The following UBA2 variants were observed in gnomAD, a reference collection of about 807,000 sequenced individuals.
The protein encoded by UBA2 is ubiquitin like modifier activating enzyme 2, also known as SUMO-activating enzyme subunit 2.
A neutral mutation model predicts 77.2 loss-of-function variants in UBA2; 11 were observed. The observed-to-expected ratio is 0.14, with a 90% confidence interval of 0.09 to 0.24. The LOEUF (loss-of-function observed/expected upper bound fraction) is 0.24, where lower values mean the gene tolerates loss of function less well. Ranked by LOEUF, UBA2 falls within the 10% of genes least tolerant of loss-of-function variation. The pLI is 1.00. For synonymous variants in UBA2, 278 were observed against 276.7 expected, an observed-to-expected ratio of 1.00 and a Z score of -0.05; for missense variants, 487 against 781.7, an observed-to-expected ratio of 0.62 and a Z score of 4.50.
At position 34,444,968 on chromosome 19, in the gene UBA2, C is replaced by A; in HGVS notation, c.650-32C>A. ...AAAGAGTTCAGTTCTACATTTATTA[C>A]GGTTGAAAATAAAATAATGATCGTT... On this transcript the variant is annotated intron_variant, in intron 7 of 16. Transcript: ENST00000246548. The A allele has an allele frequency of 1.9e-6, 3 of 1,596,594 alleles. No homozygotes were observed. In the South Asian group the frequency reaches 3.4e-5, roughly 18 times the overall value.
At chr19:34,467,727 A>C (rs1463655256) in intron 16 of UBA2, among the ~76,000 whole-genome samples, 2 of 152,206 alleles carry the variant, frequency 1.3e-5, no homozygotes, top group Non-Finnish European at 2.9e-5. Flanking sequence ...ACTGCACTCC[A>C]TCCAGCCTGG....
chr19:34,444,044 G>GTTTTTTTT lies in UBA2; in HGVS notation c.649+150_649+157dup, dbSNP rs35028159. 1,183 of 175,370 alleles carry GTTTTTTTT rather than the reference G, an allele frequency of 6.7e-3. 3 individuals are homozygous for GTTTTTTTT. The highest frequency in any genetic ancestry group is 8.6e-3 in the Non-Finnish European group (880 of 101,904). 10.9% of individuals were successfully genotyped at this position (175,370 alleles called of 1,614,324 possible). A position where few individuals can be genotyped will look rare whatever the true frequency, so the allele number is the denominator to read the frequency against. On this transcript the variant is annotated intron_variant, in intron 7 of 16. Transcript: ENST00000246548. Reference sequence around the variant, plus strand: ...TGTGTTTAACATGTGTTTTTTTTTTGTTTTTTTTTTTTTTTTTTTTTTTTG... The same window carrying GTTTTTTTT: ...TGTGTTTAACATGTGTTTTTTTTTTGTTTTTTTTTTTTTTTTTTTTTTTTTTTTTTTTG...
At position 34,450,285 on chromosome 19, in the gene UBA2, G is replaced by A. The variant is rs142134488; in HGVS notation, c.792G>A (p.Arg264=). Residue 264 remains arginine, a synonymous_variant, in exon 9 of 17, where the codon AGG becomes AGA. Transcript: ENST00000246548. ...GTAAGCTTTTTAAAGATGACATCAG[G>A]TATCTGTTGACAATGGACAAACTAT... is the stretch of plus-strand genomic sequence containing the variant. ...LFTKLFKDDI[R]YLLTMDKLWR... 7.8e-4 allele frequency: 1,249 copies of A among 1,610,780 alleles called. 13 individuals carry two copies. The highest frequency in any genetic ancestry group is 1.6e-4 in the Middle Eastern group (1 of 6,072).
At chr19:34,445,825 C>CTTT (rs1491316449) in intron 8 of UBA2, among the ~76,000 whole-genome samples, 2 of 152,116 alleles carry the variant, frequency 1.3e-5, no homozygotes, top group Non-Finnish European at 2.9e-5. Flanking sequence ...CCATAAGCCC[C>CTTT]TTTTTCTTGG....
chr19:34,429,037 G>A (rs2075220836), intron 1 of UBA2: 2 of 985,322 alleles, frequency 2.0e-6, no homozygotes, highest in African/African-American at 3.5e-5. Flanking sequence ...GTCACGAGCG[G>A]GTTTACACAC....
Position 34,469,284 on chromosome 19 carries a change from T to TA in UBA2, c.*64dup. ...GTTTATCTGGGCAGAACCAGATTGTTATGTCCTTTGTTCCAAAGGGAAAAA... is the reference window on the plus strand; with the variant it reads ...GTTTATCTGGGCAGAACCAGATTGTTAATGTCCTTTGTTCCAAAGGGAAAAA... On this transcript the variant is annotated 3_prime_UTR_variant, in exon 17 of 17. Coordinates refer to ENST00000246548, the MANE Select transcript of UBA2 (RefSeq NM_005499.3). 1 of 1,411,538 alleles carries TA rather than the reference T, an allele frequency of 7.1e-7. No homozygotes were observed. Among genetic ancestry groups the TA allele is most frequent in the South Asian group, 1.7e-5 (1 of 58,386 alleles). 87.4% of individuals were successfully genotyped at this position (1,411,538 alleles called of 1,614,324 possible).
intron 5 of UBA2, among the ~76,000 whole-genome samples, chr19:34,438,364 A>G (rs1599895732): frequency 6.6e-6 from 1 of 152,262 alleles, no homozygotes; most frequent in South Asian, 2.1e-4. Flanking sequence ...GTAAACTCAT[A>G]TTTGACACTC....
At chr19:34,462,319 A>G (rs2075640286) in intron 14 of UBA2, among the ~76,000 whole-genome samples, 1 of 152,232 alleles carries the variant, frequency 6.6e-6, no homozygotes, top group Non-Finnish European at 1.5e-5. Flanking sequence ...TAGCATTACA[A>G]TGTTAGCAGC....
intron 6 of UBA2, 115 bp downstream of exon 6, chr19:34,438,881 A>T: frequency 7.4e-7 from 1 of 1,351,582 alleles, no homozygotes; most frequent in Non-Finnish European, 1.0e-6. Flanking sequence ...TGGTGAAGGG[A>T]TGCTTTAGTA....
At chr19:34,444,843 A>T (rs2075411223) in intron 7 of UBA2, among the ~76,000 whole-genome samples, 157 bp from the exon 8 acceptor site, 1 of 152,194 alleles carries the variant, frequency 6.6e-6, no homozygotes, top group Admixed American at 6.5e-5. Context: ...ATACAAAAAG[A>T]TGCTGATGAA....
chr19:34,463,937 C>A (rs2075659937), intron 14 of UBA2, 89 bp from the exon 15 acceptor site: 1 of 866,924 alleles, frequency 1.2e-6, no homozygotes, highest in Non-Finnish European at 1.9e-6. Flanking sequence ...CACAAATCAG[C>A]CCATAACAGA....
At chr19:34,466,743 T>G (rs1003456452) in intron 15 of UBA2, 135 bp from the exon 16 acceptor site, 25 of 663,592 alleles carry the variant, frequency 3.8e-5, no homozygotes, top group Non-Finnish European at 5.3e-5. Flanking sequence ...TTTTTTTAAA[T>G]AAAAATTAAA....
chr19:34,439,919 C>T (rs1024546146), intron 6 of UBA2, among the ~76,000 whole-genome samples: 4 of 151,428 alleles, frequency 2.6e-5, no homozygotes, highest in African/African-American at 4.9e-5. Flanking sequence ...GAGAACTAAA[C>T]GGGGAATACA....
chr19:34,454,370 A>C lies in UBA2; in HGVS notation c.1132+17A>C, dbSNP rs375155901. ...ATATCAAATGTAAGTTATTTGTACT[A>C]AAGTTGTATCACTAAAACCTTGAAG... On this transcript the variant is annotated intron_variant, in intron 11 of 16. Coordinates refer to ENST00000246548, the MANE Select transcript of UBA2 (RefSeq NM_005499.3). 5.0e-6 allele frequency: 8 copies of C among 1,600,790 alleles called. No individual in the cohort carries two copies. In the Middle Eastern group the frequency reaches 6.6e-4, roughly 133 times the overall value.
chr19:34,465,076 A>G (rs576638253), intron 15 of UBA2, among the ~76,000 whole-genome samples: 2 of 152,276 alleles, frequency 1.3e-5, no homozygotes, highest in East Asian at 1.9e-4. Flanking sequence ...TCCTGAGTCT[A>G]TAGCACAGTT....
intron 15 of UBA2, among the ~76,000 whole-genome samples, 176 bp from the exon 16 acceptor site, chr19:34,466,702 T>C (rs912861627): frequency 6.6e-6 from 1 of 152,080 alleles, no homozygotes; most frequent in Admixed American, 6.6e-5. Flanking sequence ...AAGACCAGCC[T>C]GGGCAACATT....
rs199949891 is a variant in UBA2, at chr19:34,450,253, T to G, written c.772-12T>G. The G allele has an allele frequency of 2.6e-5, 41 of 1,597,450 alleles. No homozygotes were observed. The highest frequency in any genetic ancestry group is 2.2e-4 in the East Asian group (10 of 44,704). ...ATTATGGGGTTCATGGGATCTGTCT[T>G]TCTTTTGTAAGCTTTTTAAAGATGA... On this transcript the variant is annotated splice_polypyrimidine_tract_variant and intron_variant, in intron 8 of 16. Transcript: ENST00000246548.
chr19:34,451,230 T>G (rs1297448271), intron 9 of UBA2, among the ~76,000 whole-genome samples: 1 of 152,152 alleles, frequency 6.6e-6, no homozygotes, highest in African/African-American at 2.4e-5. Context: ...CCTTTAACAC[T>G]CCTTGTCTCT....
chr19:34,446,047 G>C (rs1167059903), intron 8 of UBA2, among the ~76,000 whole-genome samples: 1 of 151,868 alleles, frequency 6.6e-6, no homozygotes, highest in Non-Finnish European at 1.5e-5. Flanking sequence ...TGTGGAGAAT[G>C]GGGTCTCACC....
Sources: allele counts gnomAD v4.1 joint callset (sites outside exome capture counted in the v4.1 genomes callset), GRCh38; gene constraint gnomAD v4.1.1; transcripts MANE v1.5; gene names NCBI Gene and HGNC (gene_info 2026-07-23, HGNC 2026-07-21).